Variants in ACADM observed in about 807,000 individuals in gnomAD.
The protein encoded by ACADM is medium-chain specific acyl-CoA dehydrogenase, mitochondrial.
In ACADM, 49 loss-of-function variants were observed where a neutral mutation model predicts 58.9. The ratio of observed to expected loss-of-function variants is 0.83; its 90% CI spans 0.66 to 1.06. ACADM has a LOEUF of 1.06. Ranked by LOEUF, ACADM falls within the 50% of genes least tolerant of loss-of-function variation. The pLI is 0.00. For synonymous variants in ACADM, 160 were observed against 157.7 expected (o/e 1.01, Z -0.11); for missense variants, 496 against 507.0 (o/e 0.98, Z 0.21).
intron 2 of ACADM, among the ~76,000 whole-genome samples, chr1:75,730,994 AAG>A (rs1335929652): frequency 1.3e-5 from 2 of 152,126 alleles, no homozygotes; most frequent in South Asian, 4.1e-4. Context: ...TATCAATAAA[AAG>A]AGAGATTTGG....
chr1:75,740,844 A>G (rs534962283), intron 7 of ACADM, among the ~76,000 whole-genome samples: 1 of 152,334 alleles, frequency 6.6e-6, no homozygotes, highest in Admixed American at 6.5e-5. Flanking sequence ...ACTTGACTAA[A>G]TCTAGAAGCA....
At chr1:75,737,691 G>A (rs1290753488) in intron 6 of ACADM, among the ~76,000 whole-genome samples, 1 of 151,948 alleles carries the variant, frequency 6.6e-6, no homozygotes, top group Non-Finnish European at 1.5e-5. Context: ...TTATACCTCA[G>A]GTGCCTGGGA....
chr1:75,760,264 CAAAAAAA>C (rs764807575), intron 10 of ACADM, among the ~76,000 whole-genome samples: 8 of 51,194 alleles, frequency 1.6e-4, no homozygotes, highest in African/African-American at 6.0e-4. Flanking sequence ...ACTAAAAATA[CAAAAAAA>C]AAAAAAAAAA....
At chr1:75,733,649 ACTAC>A in intron 5 of ACADM, 21 bp downstream of exon 5, 2 of 1,560,222 alleles carry the variant, frequency 1.3e-6, no homozygotes, top group Non-Finnish European at 1.8e-6. Context: ...TAGAAAATTA[ACTAC>A]CTAACTCAGC....
chr1:75,733,476 C>T, intron 4 of ACADM, 52 bp from the exon 5 acceptor site: 2 of 1,486,090 alleles, frequency 1.3e-6, no homozygotes, highest in South Asian at 1.1e-5. Context: ...ACCTTTATTT[C>T]TATTGTGATG....
intron 6 of ACADM, among the ~76,000 whole-genome samples, chr1:75,735,149 C>T (rs1323038623): frequency 6.6e-6 from 1 of 151,804 alleles, no homozygotes; most frequent in African/African-American, 2.4e-5. Flanking sequence ...AACCCCATCT[C>T]TACTGAAAAT....
At position 75,734,811 on chromosome 1, in the gene ACADM, T is replaced by C; in HGVS notation, c.408T>C (p.Ala136=). ...GGTAGCAAATGCCTATTATTATTGCTGGAAATGATCAACAAAAGAAGAAGT... is the reference window on the plus strand; with the variant it reads ...GGTAGCAAATGCCTATTATTATTGCCGGAAATGATCAACAAAAGAAGAAGT... ...NSLGQMPIII[A]GNDQQKKKYL... Residue 136 remains alanine (A), a synonymous_variant, in exon 6 of 12, where the codon GCT becomes GCC. Transcript: ENST00000370841. The C allele has an allele frequency of 6.2e-7, 1 of 1,613,842 alleles. No homozygotes were observed. The highest frequency in any genetic ancestry group is 1.1e-5 in the South Asian group (1 of 91,058).
intron 1 of ACADM, among the ~76,000 whole-genome samples, chr1:75,727,183 G>T (rs940479991): frequency 3.3e-5 from 5 of 152,132 alleles, no homozygotes; most frequent in Non-Finnish European, 5.9e-5. Context: ...TATTACTGTA[G>T]TATGAGGTAT....
At chr1:75,729,530 G>C (rs1369236606) in intron 2 of ACADM, among the ~76,000 whole-genome samples, 1 of 146,080 alleles carries the variant, frequency 6.8e-6, no homozygotes, top group Non-Finnish European at 1.5e-5. Flanking sequence ...TTGAGACAGA[G>C]TCTCACTCTG....
chr1:75,759,850 G>A (rs1008103714), intron 10 of ACADM, among the ~76,000 whole-genome samples: 7 of 151,572 alleles, frequency 4.6e-5, no homozygotes, highest in South Asian at 2.1e-4. Flanking sequence ...TAGTAGAGAC[G>A]GGGTTTATCC....
At chr1:75,743,608 G>A in intron 7 of ACADM, 1 of 1,560,184 alleles carries the variant, frequency 6.4e-7, no homozygotes, top group South Asian at 1.1e-5. Context: ...CAGGATGGCA[G>A]ACAGGGGGGT....
chr1:75,761,013 C>T, intron 10 of ACADM, 109 bp from the exon 11 acceptor site: 1 of 1,127,932 alleles, frequency 8.9e-7, no homozygotes, highest in Non-Finnish European at 1.3e-6. Flanking sequence ...TGCAGACCAG[C>T]CTGGGCAACA....
intron 10 of ACADM, among the ~76,000 whole-genome samples, chr1:75,752,771 G>A (rs1648276635): frequency 6.6e-6 from 1 of 151,852 alleles, no homozygotes; most frequent in African/African-American, 2.4e-5. Context: ...ATCTTTCAAG[G>A]TGTATTGTGT....
chr1:75,758,876 C>T (rs770304625), intron 10 of ACADM, among the ~76,000 whole-genome samples: 2 of 152,216 alleles, frequency 1.3e-5, no homozygotes, highest in Non-Finnish European at 2.9e-5. Context: ...GGAATAAAAA[C>T]TGGCCACCCC....
In ACADM at chr1:75,740,011, C is replaced by T. The variant is rs1301440477; in HGVS notation, c.500C>T (p.Ser167Phe). Residue 167 changes from serine to phenylalanine, a missense_variant, in exon 7 of 12, where the codon TCT (serine) becomes TTT (phenylalanine). Coordinates refer to ENST00000370841, the MANE Select transcript of ACADM (RefSeq NM_000016.6). Reference protein sequence around the residue: ...AYCVTEPGAGSDVAGIKTKAE... With the variant: ...AYCVTEPGAGFDVAGIKTKAE... ...TGTGTAACAGAACCTGGAGCAGGCT[C>T]TGATGTAGCTGGTATAAAGACCAAA... is the stretch of plus-strand genomic sequence containing the variant. 1.2e-6 allele frequency: 2 copies of T among 1,612,550 alleles called. No individual in the cohort carries two copies. The highest frequency in any genetic ancestry group is 2.2e-5 in the East Asian group (1 of 44,756).
intron 4 of ACADM, 95 bp downstream of exon 4, chr1:75,733,017 T>A (rs779749395): frequency 6.2e-7 from 1 of 1,613,482 alleles, no homozygotes; most frequent in Admixed American, 1.7e-5. Context: ...TTTCTTGCCA[T>A]TAAATGACTT....
intron 10 of ACADM, chr1:75,755,169 C>G (rs1648429409): frequency 6.6e-6 from 1 of 152,470 alleles, no homozygotes. Context: ...TTGCTGTAGA[C>G]TCCCCTCTGG....
intron 10 of ACADM, among the ~76,000 whole-genome samples, chr1:75,757,505 G>A (rs1694423): frequency 0.073 from 11,173 of 152,134 alleles, 1,360 homozygotes; most frequent in African/African-American, 0.25. Flanking sequence ...ACCACAATGA[G>A]ATACCATCTC....
intron 7 of ACADM, chr1:75,743,431 AG>A: frequency 6.2e-7 from 1 of 1,610,286 alleles, no homozygotes. Context: ...AAGATCAAAG[AG>A]GAGGACTCTG....
Sources: gnomAD v4.1 joint callset for allele counts (sites outside exome capture counted in the v4.1 genomes callset) on GRCh38, gnomAD v4.1.1 for gene constraint, MANE v1.5 for transcripts, NCBI Gene and HGNC (gene_info 2026-07-23, HGNC 2026-07-21) for gene names.